The following PCID2 variants were observed in gnomAD, a reference collection of about 807,000 sequenced individuals.
PCID2 encodes the protein PCI domain containing 2.
A neutral mutation model predicts 61.3 loss-of-function variants in PCID2; 41 were observed. That is an observed-to-expected ratio of 0.67 (90% CI 0.52 to 0.87). The LOEUF (loss-of-function observed/expected upper bound fraction) is 0.87. Ranked by LOEUF, PCID2 falls within the 40% of genes least tolerant of loss-of-function variation. The probability of loss-of-function intolerance (pLI) is 0.00; values close to 1 mark genes in which losing one functional copy is unlikely to be tolerated. For missense variants in PCID2, 392 were observed against 493.4 expected, an observed-to-expected ratio of 0.79 and a Z score of 1.95; for synonymous variants, 187 against 177.8, an observed-to-expected ratio of 1.05 and a Z score of -0.41.
intron 9 of PCID2, among the ~76,000 whole-genome samples, chr13:113,183,239 TAAAC>T (rs964775651): frequency 5.8e-4 from 89 of 152,314 alleles, no homozygotes; most frequent in Admixed American, 3.3e-4. Context: ...GATACAGACT[TAAAC>T]AAACTTTTTA....
chr13:113,171,789 C>T, the PCID2 span: 1 of 1,613,434 alleles, frequency 6.2e-7, no homozygotes, highest in Non-Finnish European at 8.5e-7. The surrounding 1 kb of genome is among the most constrained non-coding windows in gnomAD (Gnocchi z 5.1). Context: ...ATCCCACGCA[C>T]CAGGGGCCTC....
intron 5 of PCID2, 70 bp downstream of exon 5, chr13:113,196,111 G>C: frequency 8.7e-7 from 1 of 1,145,770 alleles, no homozygotes; most frequent in Admixed American, 1.7e-5. Context: ...TTTATTTAAA[G>C]CAAATTTGTA....
intron 6 of PCID2, among the ~76,000 whole-genome samples, chr13:113,194,008 T>G (rs2038815660): frequency 6.6e-6 from 1 of 152,120 alleles, no homozygotes; most frequent in South Asian, 2.1e-4. Flanking sequence ...GGACTTTATT[T>G]ATCTTGTTTA....
downstream of PCID2, among the ~76,000 whole-genome samples, chr13:113,176,060 G>A (rs1486699813): frequency 6.6e-6 from 1 of 152,286 alleles, no homozygotes; most frequent in African/African-American, 2.4e-5. Flanking sequence ...AGATGTAGGA[G>A]CGAGCTAAGG....
intron 1 of PCID2, among the ~76,000 whole-genome samples, chr13:113,202,331 AT>A (rs1258889322): frequency 6.6e-6 from 1 of 152,190 alleles, no homozygotes; most frequent in Non-Finnish European, 1.5e-5. Flanking sequence ...ATGATAAGGA[AT>A]TTCCCCCCTG....
Position 113,190,932 on chromosome 13 carries a change from T to C in PCID2, c.407A>G (p.Asp136Gly). ...TAACTCTGCTGCTTTTTCCAACATG[T>C]CCCCAACTTTGCTTTTTCCTTTCTT... ...LVKKGKSKVG[D>G]MLEKAAELLM... The change falls in exon 7 of 14, where the codon GAC becomes GGC. Residue 136 changes from aspartate to glycine, a missense_variant. Physicochemically the swap from Asp to Gly is moderately conservative, Grantham distance 94 (BLOSUM62 -1). Around this residue, in one of 3 missense-constraint regions of PCID2, gnomAD observed 155 missense variants for 164.9 expected, o/e 0.94. Coordinates refer to ENST00000337344, the MANE Select transcript of PCID2 (RefSeq NM_001127202.4). The C allele has an allele frequency of 3.1e-6, 5 of 1,613,692 alleles. No individual in the cohort carries two copies. The highest frequency in any genetic ancestry group is 4.2e-6 in the Non-Finnish European group (5 of 1,179,766).
At chr13:113,168,872 G>T in the PCID2 span, among the ~76,000 whole-genome samples, 27,391 of 152,046 alleles carry the variant, frequency 0.18, 3,027 homozygotes, top group South Asian at 0.42. Flanking sequence ...GGGACCATAG[G>T]TGTGCACGAC....
At chr13:113,198,386 CT>C (rs2039174470) in intron 2 of PCID2, 122 bp from the exon 3 acceptor site, 8 of 634,892 alleles carry the variant, frequency 1.3e-5, no homozygotes, top group Non-Finnish European at 1.9e-5. Flanking sequence ...CACAGTAACA[CT>C]TTATATTTAC....
chr13:113,172,832 C>T (rs767914178), downstream of PCID2, among the ~76,000 whole-genome samples: 9 of 152,226 alleles, frequency 5.9e-5, no homozygotes, highest in Non-Finnish European at 1.2e-4. Context: ...TGTTCCACCT[C>T]TTCATGCCTC....
At chr13:113,174,394 G>A (rs143976585), downstream of PCID2, among the ~76,000 whole-genome samples, 44 of 152,286 alleles carry the variant, frequency 2.9e-4, no homozygotes, top group Non-Finnish European at 5.9e-4. Flanking sequence ...TCAAAATGAA[G>A]TAACTACTCT....
intron 1 of PCID2, chr13:113,200,771 A>G (rs1321930726): frequency 3.2e-6 from 1 of 308,628 alleles, no homozygotes; most frequent in Admixed American, 4.9e-5. Context: ...CAGTGGCGCA[A>G]TCGTAAACAA....
At chr13:113,174,378 G>A (rs1441328255), downstream of PCID2, among the ~76,000 whole-genome samples, 2 of 152,276 alleles carry the variant, frequency 1.3e-5, no homozygotes, top group East Asian at 3.9e-4. Flanking sequence ...GAGACATGAG[G>A]GGCCTTCAAA....
At chr13:113,187,981 C>T (rs2038270286) in intron 7 of PCID2, 1 of 152,220 alleles carries the variant, frequency 6.6e-6, no homozygotes, top group African/African-American at 2.4e-5. Flanking sequence ...ATTTAGGAAA[C>T]ACGGATTGAG....
At chr13:113,170,965 C>T in the PCID2 span, among the ~76,000 whole-genome samples, 1 of 151,680 alleles carries the variant, frequency 6.6e-6, no homozygotes, top group African/African-American at 2.4e-5. Flanking sequence ...CTCAATCCCT[C>T]AGGCTGGAGT....
At chr13:113,198,659 C>G (rs2039198120) in intron 2 of PCID2, among the ~76,000 whole-genome samples, 1 of 152,150 alleles carries the variant, frequency 6.6e-6, no homozygotes, top group Non-Finnish European at 1.5e-5. Context: ...AAGCCAAGAT[C>G]GTGCCACTGC....
chr13:113,170,488 G>C, the PCID2 span: 1 of 1,607,368 alleles, frequency 6.2e-7, no homozygotes, highest in Non-Finnish European at 8.5e-7. Flanking sequence ...ACTGACAACA[G>C]CAAAATGTTC....
chr13:113,167,668 T>G, the PCID2 span, among the ~76,000 whole-genome samples: 1 of 152,232 alleles, frequency 6.6e-6, no homozygotes. Context: ...ATAAAGTGCA[T>G]GTTTAAAAAA....
intron 10 of PCID2, among the ~76,000 whole-genome samples, chr13:113,180,614 A>G (rs1301523388): frequency 6.6e-6 from 1 of 152,244 alleles, no homozygotes; most frequent in Non-Finnish European, 1.5e-5. Context: ...AGAAGTGAGG[A>G]GGGCAAGGCC....
intron 9 of PCID2, 184 bp downstream of exon 9, chr13:113,184,162 A>G (rs7981776): frequency 0.01 from 4,272 of 426,406 alleles, 165 homozygotes; most frequent in African/African-American, 0.083. Context: ...GAGACCCAGT[A>G]TGGATTAAGA....
Sources: gnomAD v4.1 joint callset for allele counts (sites outside exome capture counted in the v4.1 genomes callset) on GRCh38, gnomAD v4.1.1 for gene constraint, gnomAD v4.1.1 regional missense constraint, Gnocchi (gnomAD v3.1) non-coding constraint, MANE v1.5 for transcripts, NCBI Gene and HGNC (gene_info 2026-07-23, HGNC 2026-07-21) for gene names.